Variants in PRPF6 observed in about 807,000 individuals in gnomAD.
PRPF6 encodes pre-mRNA processing factor 6, also known as pre-mRNA-processing factor 6.
A neutral mutation model predicts 118.3 loss-of-function variants in PRPF6; 42 were observed. The observed-to-expected ratio is 0.35, with a 90% CI of 0.28 to 0.46. The LOEUF is 0.46. Among genes scored for constraint, PRPF6 ranks in the 20% least tolerant of loss-of-function variants. The pLI, the probability that PRPF6 is intolerant of heterozygous loss-of-function variation, is 1.00. For synonymous variants in PRPF6, 481 were observed against 485.1 expected (o/e 0.99, Z 0.11); for missense variants, 662 against 1,255.7 (o/e 0.53, Z 7.15).
In PRPF6 at chr20:63,995,108, AG is replaced by A; in HGVS notation, c.615+19del. The stretch of plus-strand genomic sequence containing the variant: ...CCGACAAACTGTGAGCTTCCAAAAA[AG>A]GGCACATGTGGCCCATTTAGTCCTG... On this transcript the variant is annotated intron_variant, in intron 5 of 20. Coordinates refer to ENST00000266079, the MANE Select transcript of PRPF6 (RefSeq NM_012469.4). The A allele has an allele frequency of 6.2e-7, 1 of 1,614,158 alleles. No homozygotes were observed. The highest frequency in any genetic ancestry group is 8.5e-7 in the Non-Finnish European group (1 of 1,179,996).
At chr20:64,008,172 C>T (rs376995895) in intron 9 of PRPF6, among the ~76,000 whole-genome samples, 1 of 152,324 alleles carries the variant, frequency 6.6e-6, no homozygotes, top group African/African-American at 2.4e-5. Context: ...GCATGCATAA[C>T]CACATGCACA....
Position 64,010,278 on chromosome 20 carries a change from T to C in PRPF6, c.1265T>C (p.Met422Thr). 1 of 1,614,068 alleles carries C rather than the reference T, an allele frequency of 6.2e-7. No individual in the cohort carries two copies. Among genetic ancestry groups the C allele is most frequent in the Non-Finnish European group, 8.5e-7 (1 of 1,180,030 alleles). Residue 422 changes from methionine (M) to threonine (T), a missense_variant, in exon 10 of 21, where the codon ATG becomes ACG. Met to Thr is a moderately conservative substitution (Grantham distance 81, BLOSUM62 -1). Coordinates refer to ENST00000266079, the MANE Select transcript of PRPF6 (RefSeq NM_012469.4). ...ELEEPEDARI[M>T]LSRAVECCPT... Reference sequence around the variant, plus strand: ...GAAGAACCTGAAGATGCTAGAATCATGCTGAGCCGAGCTGTGGAGTGCTGC... The same window carrying C: ...GAAGAACCTGAAGATGCTAGAATCACGCTGAGCCGAGCTGTGGAGTGCTGC...
At chr20:63,989,179 A>G (rs929272673) in intron 3 of PRPF6, among the ~76,000 whole-genome samples, 20 of 152,198 alleles carry the variant, frequency 1.3e-4, no homozygotes, top group African/African-American at 4.6e-4. Context: ...GGAAAACTGG[A>G]TATCTATATA....
At chr20:63,996,802 G>A (rs1429355799) in intron 6 of PRPF6, among the ~76,000 whole-genome samples, 2 of 152,126 alleles carry the variant, frequency 1.3e-5, no homozygotes, top group South Asian at 4.1e-4. Context: ...GCCTGGTGGT[G>A]CCTGTAGTCC....
chr20:64,008,267 G>A (rs1424275451), intron 9 of PRPF6, among the ~76,000 whole-genome samples: 1 of 152,118 alleles, frequency 6.6e-6, no homozygotes, highest in East Asian at 1.9e-4. Context: ...GATGGAATTG[G>A]GTTGTTTTTC....
At chr20:63,997,092 C>T (rs1399378539) in intron 6 of PRPF6, among the ~76,000 whole-genome samples, 3 of 152,060 alleles carry the variant, frequency 2.0e-5, no homozygotes, top group Non-Finnish European at 4.4e-5. Flanking sequence ...TTTTCATCTT[C>T]CCAAATTGAA....
chr20:64,033,007 A>G lies in PRPF6; in HGVS notation c.*14A>G, dbSNP rs2145404997. 6.2e-7 allele frequency: 1 copy of G among 1,613,106 alleles called. No individual in the cohort carries two copies. The highest frequency in any genetic ancestry group is 8.5e-7 in the Non-Finnish European group (1 of 1,179,986). On this transcript the variant is annotated 3_prime_UTR_variant, in exon 21 of 21. Transcript: ENST00000266079. Reference sequence around the variant, plus strand: ...AACACCTTCTGATTGAGCGGTTGCCATGGCCGGTCTCCGTGGGGCAGGGTT... The same window carrying G: ...AACACCTTCTGATTGAGCGGTTGCCGTGGCCGGTCTCCGTGGGGCAGGGTT...
At chr20:63,995,613 T>TC in intron 6 of PRPF6, 131 bp downstream of exon 6, 1 of 1,014,696 alleles carries the variant, frequency 9.9e-7, no homozygotes, top group Non-Finnish European at 1.4e-6. Flanking sequence ...CTTCTCCTTC[T>TC]CCTTTTTTTT....
chr20:63,983,252 G>C, intron 2 of PRPF6, 37 bp downstream of exon 2: 2 of 1,613,582 alleles, frequency 1.2e-6, no homozygotes, highest in Non-Finnish European at 1.7e-6. Flanking sequence ...CCTCCAGCCA[G>C]TCTCTGGGAG....
Position 64,027,220 on chromosome 20 carries a change from T to C in PRPF6, c.2205+62T>C. ...CCGGCATTCACAAAACTGAGCCCCC[T>C]GGTGCAGGGTCATTGCCCTTCGCCT... On this transcript the variant is annotated intron_variant, in intron 16 of 20. Coordinates refer to ENST00000266079, the MANE Select transcript of PRPF6 (RefSeq NM_012469.4). This position sits in a 1 kb window ranked among gnomAD's most constrained non-coding sequence, Gnocchi z 6.5. 2 of 1,589,794 alleles carry C rather than the reference T, an allele frequency of 1.3e-6. No homozygotes were observed. The highest frequency in any genetic ancestry group is 2.2e-5 in the South Asian group (2 of 89,522).
rs758568850 is a variant in PRPF6, at chr20:64,011,386, G to A, written c.1407G>A (p.Thr469=). 4.3e-6 allele frequency: 7 copies of A among 1,614,100 alleles called. No homozygotes were observed. The highest frequency in any genetic ancestry group is 3.3e-5 in the Admixed American group (2 of 60,000). Residue 469 remains threonine, a synonymous_variant, in exon 11 of 21, where the codon ACG becomes ACA. Coordinates refer to ENST00000266079, the MANE Select transcript of PRPF6 (RefSeq NM_012469.4). The surrounding 1 kb of genome is among the most constrained non-coding windows in gnomAD (Gnocchi z 6.7). The part of the protein sequence containing the change: ...NIPTDRHIWI[T]AAKLEEANGN... ...CTACAGACCGACATATCTGGATCAC[G>A]GCTGCTAAGCTGGAGGAAGCCAATG...
rs930411710 is a variant in PRPF6 at position 63,982,407 on chromosome 20, T to G, written c.72-640T>G. Among the ~76,000 whole-genome samples the G allele has an allele frequency of 3.3e-5, 5 of 151,930 alleles. No homozygotes were observed. In the East Asian group the frequency reaches 9.7e-4, roughly 29 times the overall value. On this transcript the variant is annotated intron_variant, in intron 1 of 20. Transcript: ENST00000266079. ...GGGGGGTCTTGAACTCCTGACCTCA[T>G]GATCCACCCGCCTCCGTCTCCCAAA...
chr20:64,016,993 A>T (rs566139115), intron 12 of PRPF6, 148 bp downstream of exon 12: 1 of 1,131,814 alleles, frequency 8.8e-7, no homozygotes, highest in African/African-American at 1.6e-5. Flanking sequence ...CCCAGGCTGG[A>T]GTGCAGTGGC....
At chr20:64,014,259 C>A (rs1010591414) in intron 11 of PRPF6, among the ~76,000 whole-genome samples, 1 of 151,968 alleles carries the variant, frequency 6.6e-6, no homozygotes, top group Non-Finnish European at 1.5e-5. Flanking sequence ...TTTTTACTTT[C>A]TTTCTCTACA....
chr20:64,009,721 C>G (rs2059207166), intron 9 of PRPF6, among the ~76,000 whole-genome samples: 2 of 152,172 alleles, frequency 1.3e-5, no homozygotes, highest in Admixed American at 1.3e-4. Flanking sequence ...GACTCTGTCT[C>G]AAAACAAAAA....
In PRPF6 at chr20:63,984,978, C is replaced by G. The variant is rs145328972; in HGVS notation, c.312C>G (p.Ile104Met). The G allele has an allele frequency of 6.2e-7, 1 of 1,613,566 alleles. No individual in the cohort carries two copies. The change falls in exon 3 of 21, where the codon ATC (isoleucine) becomes ATG (methionine). Residue 104 changes from isoleucine (I) to methionine (M), a missense_variant. Ile to Met is a conservative substitution (Grantham distance 10, BLOSUM62 1). Around this residue, in one of 10 missense-constraint regions of PRPF6, gnomAD observed 20 missense variants for 69.4 expected, o/e 0.29. Transcript: ENST00000266079. ...AAGATGATGAGGAAGCAGATGCTAT[C>G]TATGCAGCCCTGGATAAAAGGATGG... ...YEKDDEEADA[I>M]YAALDKRMDE...
At chr20:64,022,999 C>T (rs984020068) in intron 13 of PRPF6, 121 bp downstream of exon 13, 22 of 1,483,880 alleles carry the variant, frequency 1.5e-5, no homozygotes, top group Non-Finnish European at 1.9e-5. Flanking sequence ...GAGGTCTGGC[C>T]CTCTGGTTGT....
chr20:64,024,969 G>A (rs997985900), intron 14 of PRPF6, among the ~76,000 whole-genome samples: 1 of 152,136 alleles, frequency 6.6e-6, no homozygotes, highest in African/African-American at 2.4e-5. Context: ...ACAGGCTGAG[G>A]GCGCCCTTAT....
chr20:63,995,318 C>CAG lies in PRPF6; in HGVS notation c.616-9_616-8insAG. On this transcript the variant is annotated splice_polypyrimidine_tract_variant and intron_variant, in intron 5 of 20. Coordinates refer to ENST00000266079, the MANE Select transcript of PRPF6 (RefSeq NM_012469.4). Reference sequence around the variant, plus strand: ...GTTTTATTCTTGCCTTTCCTCTCTTCCCCTCCAGCAATTTGGAGGTCTTAA... The same window carrying CAG: ...GTTTTATTCTTGCCTTTCCTCTCTTCAGCCCTCCAGCAATTTGGAGGTCTTAA... The CAG allele has an allele frequency of 6.2e-7, 1 of 1,607,688 alleles. No homozygotes were observed. Among genetic ancestry groups the CAG allele is most frequent in the African/African-American group, 1.3e-5 (1 of 74,942 alleles).
Sources: gnomAD v4.1 joint callset for allele counts (sites outside exome capture counted in the v4.1 genomes callset) on GRCh38, gnomAD v4.1.1 for gene constraint, gnomAD v4.1.1 regional missense constraint, Gnocchi (gnomAD v3.1) non-coding constraint, MANE v1.5 for transcripts, NCBI Gene and HGNC (gene_info 2026-07-23, HGNC 2026-07-21) for gene names.